The following DMXL1 variants were observed in gnomAD, a reference collection of about 807,000 sequenced individuals.
DMXL1 encodes dmX-like protein 1.
DMXL1 carries 99 observed loss-of-function variants against 319.2 expected under a neutral mutation model. The observed-to-expected ratio is 0.31, with a 90% CI of 0.26 to 0.37. DMXL1 has a LOEUF of 0.37. Among genes scored for constraint, DMXL1 ranks in the 10% least tolerant of loss-of-function variants. The pLI, the probability that DMXL1 is intolerant of heterozygous loss-of-function variation, is 1.00. For synonymous variants in DMXL1, 1,385 were observed against 1,235.2 expected, an observed-to-expected ratio of 1.12 and a Z score of -2.54; for missense variants, 3,745 against 3,595.6, an observed-to-expected ratio of 1.04 and a Z score of -1.06.
At chr5:119,211,232 G>C (rs1782754394) in intron 34 of DMXL1, among the ~76,000 whole-genome samples, 1 of 152,030 alleles carries the variant, frequency 6.6e-6, no homozygotes, top group African/African-American at 2.4e-5. Flanking sequence ...TTCTTACAAT[G>C]TTGTTTGTGT....
At chr5:119,086,164 A>G (rs1395698661) in intron 1 of DMXL1, among the ~76,000 whole-genome samples, 1 of 152,206 alleles carries the variant, frequency 6.6e-6, no homozygotes, top group Non-Finnish European at 1.5e-5. Flanking sequence ...AGAGAATGAG[A>G]GCCAAGCAAA....
chr5:119,162,685 A>G (rs751354050), intron 19 of DMXL1, among the ~76,000 whole-genome samples: 22 of 152,246 alleles, frequency 1.4e-4, no homozygotes, highest in Non-Finnish European at 5.9e-5. Context: ...AATCATAGCA[A>G]GGAATGAAAC....
intron 1 of DMXL1, among the ~76,000 whole-genome samples, chr5:119,074,044 G>C (rs1206636379): frequency 6.6e-6 from 1 of 151,954 alleles, no homozygotes; most frequent in Non-Finnish European, 1.5e-5. Flanking sequence ...TCAGCCTCCT[G>C]AGAAGCTGGG....
intron 3 of DMXL1, among the ~76,000 whole-genome samples, chr5:119,102,886 T>G (rs531507681): frequency 1.3e-5 from 2 of 152,050 alleles, no homozygotes; most frequent in African/African-American, 4.8e-5. Flanking sequence ...TGAGAAATTA[T>G]GAACACAAGG....
intron 34 of DMXL1, among the ~76,000 whole-genome samples, chr5:119,209,186 T>C (rs1461814786): frequency 6.6e-6 from 1 of 152,186 alleles, no homozygotes; most frequent in Non-Finnish European, 1.5e-5. Flanking sequence ...TCACATTTTA[T>C]GGAAAAATGC....
chr5:119,110,425 A>G (rs1034528475), intron 5 of DMXL1, 142 bp downstream of exon 5: 10 of 669,722 alleles, frequency 1.5e-5, no homozygotes, highest in Non-Finnish European at 1.1e-5. Context: ...TTATACACAG[A>G]TAATTCTCTA....
At chr5:119,108,645 C>A (rs183342022) in intron 4 of DMXL1, among the ~76,000 whole-genome samples, 3 of 152,140 alleles carry the variant, frequency 2.0e-5, no homozygotes, top group Non-Finnish European at 4.4e-5. Flanking sequence ...GTCTTGAACT[C>A]CTGGGCTCAA....
intron 5 of DMXL1, among the ~76,000 whole-genome samples, chr5:119,113,713 T>G (rs973125699): frequency 1.3e-5 from 2 of 152,208 alleles, no homozygotes; most frequent in Non-Finnish European, 1.5e-5. Flanking sequence ...TGGTGAAAAA[T>G]GTAAATGATT....
intron 28 of DMXL1, among the ~76,000 whole-genome samples, chr5:119,188,280 C>T (rs1413750789): frequency 2.0e-5 from 3 of 151,474 alleles, no homozygotes; most frequent in Non-Finnish European, 4.4e-5. Flanking sequence ...AACATAAAAA[C>T]AAAAACAGCC....
chr5:119,235,374 T>A lies in DMXL1; in HGVS notation c.8466+1907T>A, dbSNP rs536442369. Among the ~76,000 whole-genome samples the A allele has an allele frequency of 2.8e-4, 42 of 152,140 alleles. No individual in the cohort carries two copies. The East Asian group carries it at 6.6e-3, about 24-fold the overall frequency. On this transcript the variant is annotated intron_variant, in intron 39 of 43. Transcript: ENST00000539542. ...GAAAAGAGTTATTGGAAATTAAAAA[T>A]ACGATTCCCAAAAATGTGGTCAGTG...
intron 19 of DMXL1, among the ~76,000 whole-genome samples, chr5:119,159,622 T>A (rs1430801476): frequency 6.6e-6 from 1 of 152,204 alleles, no homozygotes; most frequent in African/African-American, 2.4e-5. Context: ...TTATTTTTAG[T>A]CTTTGGTTTA....
In DMXL1 at chr5:119,177,416, G is replaced by A. The variant is rs1360388420; in HGVS notation, c.6818G>A (p.Arg2273Gln). The change falls in exon 27 of 44, where the codon CGA becomes CAA. Residue 2273 changes from arginine (R) to glutamine (Q), a missense_variant. Arg to Gln is a conservative substitution (Grantham distance 43). This residue lies in a region of DMXL1 where 1,382 missense variants were observed against 1,269.5 expected (regional missense o/e 1.09). Transcript: ENST00000539542. The stretch of plus-strand genomic sequence containing the variant: ...TATCAGACAGTACTGCTTCCTCATC[G>A]ACCTTCTTTGAAAACAGGAAGCTTA... ...MVYQTVLLPH[R>Q]PSLKTGSLDE... 4.4e-6 allele frequency: 7 copies of A among 1,608,596 alleles called. No homozygotes were observed. Among genetic ancestry groups the A allele is most frequent in the East Asian group, 2.2e-5 (1 of 44,596 alleles).
chr5:119,213,395 A>G (rs1048578336), intron 34 of DMXL1, among the ~76,000 whole-genome samples: 1 of 152,080 alleles, frequency 6.6e-6, no homozygotes, highest in African/African-American at 2.4e-5. Flanking sequence ...ATCTGCTTTC[A>G]CCTACCCAAG....
At chr5:119,238,525 TG>T (rs1788165856) in intron 40 of DMXL1, among the ~76,000 whole-genome samples, 1 of 152,162 alleles carries the variant, frequency 6.6e-6, no homozygotes, top group Non-Finnish European at 1.5e-5. Flanking sequence ...GAAAAATATA[TG>T]TCAATTATTT....
At chr5:119,179,833 A>G (rs1027656070) in intron 28 of DMXL1, among the ~76,000 whole-genome samples, 4 of 152,180 alleles carry the variant, frequency 2.6e-5, no homozygotes, top group Non-Finnish European at 5.9e-5. Context: ...TTCCATCAAG[A>G]AAAAACAGGC....
chr5:119,187,884 G>T (rs1561829982), intron 28 of DMXL1, among the ~76,000 whole-genome samples: 1 of 152,166 alleles, frequency 6.6e-6, no homozygotes, highest in South Asian at 2.1e-4. Context: ...GCTGGATCCT[G>T]ACCTCAGGTG....
chr5:119,192,062 C>T (rs1286990732), intron 29 of DMXL1, among the ~76,000 whole-genome samples: 2 of 152,168 alleles, frequency 1.3e-5, no homozygotes, highest in Non-Finnish European at 2.9e-5. Context: ...TGTTGGTCTT[C>T]CAAGGTTTTC....
chr5:119,168,870 C>T (rs539569177), intron 23 of DMXL1, among the ~76,000 whole-genome samples: 1 of 151,938 alleles, frequency 6.6e-6, no homozygotes, highest in South Asian at 2.1e-4. Context: ...CCTTTCCCTT[C>T]CTCTTTCCTT....
At chr5:119,127,508 A>T (rs1013927735) in intron 9 of DMXL1, among the ~76,000 whole-genome samples, 3 of 152,214 alleles carry the variant, frequency 2.0e-5, no homozygotes, top group Admixed American at 2.0e-4. Context: ...AGTGACCGAT[A>T]GCTCACTGCA....
Sources: allele counts gnomAD v4.1 joint callset (sites outside exome capture counted in the v4.1 genomes callset), GRCh38; gene constraint gnomAD v4.1.1; regional missense constraint gnomAD v4.1.1; transcripts MANE v1.5; gene names NCBI Gene and HGNC (gene_info 2026-07-23, HGNC 2026-07-21).